TNRC18: variants seen among roughly 807,000 people sequenced by gnomAD.
TNRC18 encodes the protein trinucleotide repeat-containing gene 18 protein.
In TNRC18, 69 loss-of-function variants were observed where a neutral mutation model predicts 226.7. That is an observed-to-expected ratio of 0.30 (90% CI 0.25 to 0.37). The LOEUF is 0.37. Among genes scored for constraint, TNRC18 ranks in the 10% least tolerant of loss-of-function variants. The pLI, the probability that TNRC18 is intolerant of heterozygous loss-of-function variation, is 1.00. For synonymous variants in TNRC18, 2,449 were observed against 1,927.6 expected (o/e 1.27, Z -7.09); for missense variants, 4,754 against 4,256.6 (o/e 1.12, Z -3.25).
rs1185280675 is a variant in TNRC18, at chr7:5,394,198, G to C, written c.343+242C>G. 1.3e-5 allele frequency among the ~76,000 whole-genome samples: 2 copies of C among 152,180 alleles called. No individual in the cohort carries two copies. Among genetic ancestry groups the C allele is most frequent in the African/African-American group, 4.8e-5 (2 of 41,434 alleles). On this transcript the variant is annotated intron_variant, in intron 3 of 29. Coordinates refer to ENST00000430969, the MANE Select transcript of TNRC18 (RefSeq NM_001080495.3). This position sits in a 1 kb window ranked among gnomAD's most constrained non-coding sequence, Gnocchi z 4.5. The stretch of plus-strand genomic sequence containing the variant: ...GGGGTCTCTGAGCTGAGCCGGAGGA[G>C]GACTGGAAGGTGGTCTGTGGCATGG...
intron 2 of TNRC18, among the ~76,000 whole-genome samples, chr7:5,413,657 G>A (rs888987695): frequency 6.6e-6 from 1 of 152,164 alleles, no homozygotes; most frequent in Admixed American, 6.5e-5. Flanking sequence ...AGACTCCCAA[G>A]TAGCTGGGAT....
rs1788691833 is a variant in TNRC18 at position 5,324,437 on chromosome 7, G to A, written c.6301-82C>T. On this transcript the variant is annotated intron_variant, in intron 20 of 29. Transcript: ENST00000430969. This position sits in a 1 kb window ranked among gnomAD's most constrained non-coding sequence, Gnocchi z 4.8. The stretch of plus-strand genomic sequence containing the variant: ...GTTGGGGACCCTCTCTGGAAACCTG[G>A]AGCCACAGTCAGGCCGCAGGGGGAA... The A allele has an allele frequency of 6.4e-7, 1 of 1,551,840 alleles. No homozygotes were observed. The highest frequency in any genetic ancestry group is 8.7e-7 in the Non-Finnish European group (1 of 1,143,550).
In TNRC18 at chr7:5,309,312, G is replaced by A. The variant is rs1369929733; in HGVS notation, c.8445C>T (p.Gly2815=). The A allele has an allele frequency of 6.2e-7, 1 of 1,613,884 alleles. No individual in the cohort carries two copies. The highest frequency in any genetic ancestry group is 2.2e-5 in the East Asian group (1 of 44,880). The change falls in exon 28 of 30, where the codon GGC becomes GGT. Residue 2815 remains glycine (G), a synonymous_variant. Transcript: ENST00000430969. The surrounding 1 kb of genome is among the most constrained non-coding windows in gnomAD (Gnocchi z 5.7). The part of the protein sequence containing the change: ...RKLFYKAIVR[G]KEMIRIGDCA... ...AGTCCCCGATACGGATCATCTCCTT[G>A]CCGCGCACGATGGCCTTGTAGAAGA...
At position 5,377,646 on chromosome 7, in the gene TNRC18, G is replaced by GC; in HGVS notation, c.2256-71dup. 6.8e-7 allele frequency: 1 copy of GC among 1,473,854 alleles called. No individual in the cohort carries two copies. The highest frequency in any genetic ancestry group is 9.2e-7 in the Non-Finnish European group (1 of 1,088,062). 91.3% of individuals were successfully genotyped at this position (1,473,854 alleles called of 1,614,324 possible). ...GGGGACGAGAGGGAGAAGCGGGGTT[G>GC]CCCCAAGGAACTGTTTGCCACCAGG... is the stretch of plus-strand genomic sequence containing the variant. On this transcript the variant is annotated intron_variant, in intron 6 of 29. Coordinates refer to ENST00000430969, the MANE Select transcript of TNRC18 (RefSeq NM_001080495.3). The surrounding 1 kb of genome is among the most constrained non-coding windows in gnomAD (Gnocchi z 5.8).
intron 2 of TNRC18, among the ~76,000 whole-genome samples, chr7:5,399,660 C>G (rs1475461702): frequency 1.3e-5 from 2 of 151,912 alleles, no homozygotes; most frequent in Admixed American, 6.6e-5. Flanking sequence ...GAGCCAAGAT[C>G]GCGCCACTGC....
At chr7:5,400,924 C>G (rs1390326600) in intron 2 of TNRC18, among the ~76,000 whole-genome samples, 1 of 152,068 alleles carries the variant, frequency 6.6e-6, no homozygotes, top group Non-Finnish European at 1.5e-5. Flanking sequence ...ACGCCTGTAA[C>G]CCAGCTACCC....
intron 18 of TNRC18, among the ~76,000 whole-genome samples, chr7:5,334,372 C>T (rs1789872354): frequency 6.6e-6 from 1 of 151,826 alleles, no homozygotes; most frequent in Non-Finnish European, 1.5e-5. Context: ...TCTCGGCTCA[C>T]TGCAAGCTCC....
rs1242383714 is a variant in TNRC18 at position 5,307,265 on chromosome 7, T to TTATATATATTTATCTTTA, written c.*823_*840dup. The TTATATATATTTATCTTTA allele has an allele frequency of 6.7e-6, 1 of 149,000 alleles. No homozygotes were observed. The highest frequency in any genetic ancestry group is 6.7e-5 in the Admixed American group (1 of 14,908). The allele number at this position is 149,000 out of a possible 1,614,324, so 9.2% of individuals were successfully genotyped here. ...AGTTTTAAAAAGTTTATATATATAT[T>TTATATATATTTATCTTTA]TATATATATTTATCTTTATATATAT... On this transcript the variant is annotated 3_prime_UTR_variant, in exon 30 of 30. Coordinates refer to ENST00000430969, the MANE Select transcript of TNRC18 (RefSeq NM_001080495.3).
intron 2 of TNRC18, among the ~76,000 whole-genome samples, chr7:5,407,643 G>C (rs958946128): frequency 6.6e-5 from 10 of 152,234 alleles, no homozygotes; most frequent in African/African-American, 2.4e-4. Context: ...CAAAATAAGT[G>C]TTCGAATTTA....
Position 5,330,715 on chromosome 7 carries a change from C to T in TNRC18, c.6147+1907G>A, listed in dbSNP as rs569347618. Among the ~76,000 whole-genome samples the T allele has an allele frequency of 1.0e-3, 158 of 152,242 alleles. 1 individual carries two copies. Among genetic ancestry groups the T allele is most frequent in the Non-Finnish European group, 2.0e-3 (135 of 68,020 alleles). ...TGGAGACAGAGTCTCACTCTGTCGC[C>T]CAGGCTGGAGTGCAGTGGCACAATC... On this transcript the variant is annotated intron_variant, in intron 19 of 29. Transcript: ENST00000430969.
rs538219613 is a variant in TNRC18 at position 5,321,867 on chromosome 7, C to T, written c.6443-677G>A. On this transcript the variant is annotated intron_variant, in intron 21 of 29. Coordinates refer to ENST00000430969, the MANE Select transcript of TNRC18 (RefSeq NM_001080495.3). ...TTGTATTTTTAGTAGAGACGGGGTT[C>T]CACCATGTTGGCCAGGCTGATCCCG... Among the ~76,000 whole-genome samples the T allele has an allele frequency of 5.3e-5, 8 of 151,758 alleles. No individual in the cohort carries two copies. In the East Asian group the frequency reaches 1.2e-3, roughly 23 times the overall value.
Position 5,370,798 on chromosome 7 carries a change from C to T in TNRC18, c.3796G>A (p.Val1266Met). ...EAKEEPVEVP[V>M]AVPVVEAVPE... ...ACTGCCTCCACCACGGGCACCGCCACAGGCACCTCCACCGGCTCCTCCTTG... is the reference window on the plus strand; with the variant it reads ...ACTGCCTCCACCACGGGCACCGCCATAGGCACCTCCACCGGCTCCTCCTTG... Residue 1266 changes from valine to methionine, a missense_variant, in exon 11 of 30, where the codon GTG (valine) becomes ATG (methionine). Physicochemically the swap from Val to Met is conservative, Grantham distance 21. Coordinates refer to ENST00000430969, the MANE Select transcript of TNRC18 (RefSeq NM_001080495.3). The T allele has an allele frequency of 2.5e-6, 4 of 1,607,290 alleles. No homozygotes were observed. Among genetic ancestry groups the T allele is most frequent in the South Asian group, 1.1e-5 (1 of 90,516 alleles).
intron 9 of TNRC18, 108 bp downstream of exon 9, chr7:5,375,925 CT>C: frequency 8.8e-7 from 1 of 1,133,170 alleles, no homozygotes. Context: ...TGCCCCTCTG[CT>C]GTTTTCTCCC....
intron 15 of TNRC18, among the ~76,000 whole-genome samples, chr7:5,357,780 G>A (rs1343120183): frequency 6.6e-6 from 1 of 152,126 alleles, no homozygotes; most frequent in Non-Finnish European, 1.5e-5. Flanking sequence ...GACCACGACT[G>A]GCCAGCTTCA....
chr7:5,366,778 G>A (rs567825962), intron 11 of TNRC18, among the ~76,000 whole-genome samples: 1 of 152,274 alleles, frequency 6.6e-6, no homozygotes, highest in Admixed American at 6.5e-5. Context: ...GGTAAGGATG[G>A]AGGGCTGTTC....
At chr7:5,372,379 G>A (rs906150060) in intron 10 of TNRC18, among the ~76,000 whole-genome samples, 2 of 151,350 alleles carry the variant, frequency 1.3e-5, no homozygotes, top group Admixed American at 1.3e-4. Flanking sequence ...GCCCGGCCGT[G>A]CCCGGCTAAT....
At position 5,312,986 on chromosome 7, in the gene TNRC18, G is replaced by GGAT; in HGVS notation, c.7904_7905insATC (p.Ser2671dup). Reference sequence around the variant, plus strand: ...AGGAAGAGGAGGAGGAGGAAGAGGAGGAGGAGGAAGAGGAGGATGAGGAGG... The same window carrying GGAT: ...AGGAAGAGGAGGAGGAGGAAGAGGAGGATGAGGAGGAAGAGGAGGATGAGGAGG... On this transcript the variant is annotated inframe_insertion, in exon 27 of 30. Transcript: ENST00000430969. The surrounding 1 kb of genome is among the most constrained non-coding windows in gnomAD (Gnocchi z 6.3). 1 of 1,068,050 alleles carries GGAT rather than the reference G, an allele frequency of 9.4e-7. No homozygotes were observed. Among genetic ancestry groups the GGAT allele is most frequent in the Admixed American group, 2.1e-5 (1 of 48,670 alleles). 66.2% of individuals were successfully genotyped at this position (1,068,050 alleles called of 1,614,324 possible).
chr7:5,329,970 C>G (rs896462340), intron 19 of TNRC18: 1 of 471,122 alleles, frequency 2.1e-6, no homozygotes, highest in East Asian at 6.9e-5. Context: ...TAGCAGGAAC[C>G]TGGAACAGAA....
In TNRC18 at chr7:5,324,994, T is replaced by C. The variant is rs1788747525; in HGVS notation, c.6300+102A>G. The C allele has an allele frequency of 7.3e-7, 1 of 1,367,062 alleles. No homozygotes were observed. Among genetic ancestry groups the C allele is most frequent in the South Asian group, 1.5e-5 (1 of 68,922 alleles). The allele number at this position is 1,367,062 out of a possible 1,614,324, so 84.7% of individuals were successfully genotyped here. On this transcript the variant is annotated intron_variant, in intron 20 of 29. Transcript: ENST00000430969. The surrounding 1 kb of genome is among the most constrained non-coding windows in gnomAD (Gnocchi z 4.8). ...CCGCAACCTCTCTGAGCCACAGCTATAGGGAGGGTGAATACAGAGGAGCAG... is the reference window on the plus strand; with the variant it reads ...CCGCAACCTCTCTGAGCCACAGCTACAGGGAGGGTGAATACAGAGGAGCAG...
Sources: allele counts gnomAD v4.1 joint callset (sites outside exome capture counted in the v4.1 genomes callset), GRCh38; gene constraint gnomAD v4.1.1; non-coding constraint Gnocchi (gnomAD v3.1); transcripts MANE v1.5; gene names NCBI Gene and HGNC (gene_info 2026-07-23, HGNC 2026-07-21).